Variants in PPP2R2B observed in about 807,000 individuals in gnomAD.
PPP2R2B encodes the protein protein phosphatase 2 regulatory subunit Bbeta, also known as serine/threonine-protein phosphatase 2A 55 kDa regulatory subunit B beta isoform.
A neutral mutation model predicts 46.0 loss-of-function variants in PPP2R2B; 5 were observed. The ratio of observed to expected loss-of-function variants is 0.11; its 90% confidence interval spans 0.06 to 0.23. The LOEUF is 0.23. PPP2R2B is among the 10% of genes least tolerant of loss of function. The pLI is 1.00. For synonymous variants in PPP2R2B, 215 were observed against 206.7 expected (o/e 1.04, Z -0.34); for missense variants, 367 against 575.0 (o/e 0.64, Z 3.70).
chr5:147,038,519 CT>C (rs1342834733), intron 1 of PPP2R2B, among the ~76,000 whole-genome samples: 2 of 152,062 alleles, frequency 1.3e-5, no homozygotes, highest in African/African-American at 4.8e-5. Context: ...AAACTATTTT[CT>C]ACTTTATGTT....
intron 2 of PPP2R2B, among the ~76,000 whole-genome samples, chr5:146,704,011 C>T (rs183976842): frequency 6.6e-5 from 10 of 152,274 alleles, no homozygotes; most frequent in African/African-American, 9.6e-5. Flanking sequence ...GTCTACTTCC[C>T]TTCAGAGAAT....
chr5:146,689,168 T>C (rs975999501), intron 5 of PPP2R2B, among the ~76,000 whole-genome samples: 1 of 152,116 alleles, frequency 6.6e-6, no homozygotes, highest in African/African-American at 2.4e-5. Context: ...CATCATTGAG[T>C]GCTTTTTGTG....
chr5:146,692,711 T>C (rs1273262258), intron 4 of PPP2R2B, among the ~76,000 whole-genome samples: 3 of 151,914 alleles, frequency 2.0e-5, no homozygotes, highest in Non-Finnish European at 4.4e-5. Context: ...TTTTTTTGTA[T>C]TTCTAGTAGA....
chr5:146,739,089 G>A lies in PPP2R2B; in HGVS notation c.71-37947C>T, dbSNP rs183176936. ...GGCTGGAGTGTAGTGGTGTGATCAC[G>A]GCTCACAGCAGCCTTGACCTCCTGA... On this transcript the variant is annotated intron_variant, in intron 2 of 9. Coordinates refer to ENST00000394411, the MANE Select transcript of PPP2R2B (RefSeq NM_181675.4). 6.2e-4 allele frequency among the ~76,000 whole-genome samples: 94 copies of A among 152,120 alleles called. 1 individual carries two copies. Among genetic ancestry groups the A allele is most frequent in the African/African-American group, 2.2e-3 (92 of 41,486 alleles).
intron 5 of PPP2R2B, among the ~76,000 whole-genome samples, chr5:146,672,341 C>T (rs879237544): frequency 2.0e-5 from 3 of 152,080 alleles, no homozygotes; most frequent in African/African-American, 7.2e-5. Flanking sequence ...GTTTGGGGTA[C>T]AGGAAACAGA....
At chr5:146,918,674 A>C (rs1763483037) in intron 1 of PPP2R2B, among the ~76,000 whole-genome samples, 1 of 152,134 alleles carries the variant, frequency 6.6e-6, no homozygotes, top group Non-Finnish European at 1.5e-5. Flanking sequence ...GGTCTCATCT[A>C]TACTTTTGGT....
At chr5:146,623,085 G>C (rs547820129) in intron 7 of PPP2R2B, among the ~76,000 whole-genome samples, 4 of 152,084 alleles carry the variant, frequency 2.6e-5, no homozygotes, top group African/African-American at 9.7e-5. Context: ...GGAATCTTCC[G>C]GTACTTAATA....
intron 2 of PPP2R2B, among the ~76,000 whole-genome samples, chr5:147,071,364 T>C (rs1474633816): frequency 6.6e-6 from 1 of 152,232 alleles, no homozygotes; most frequent in Non-Finnish European, 1.5e-5. Flanking sequence ...TTAATTGAGC[T>C]GCTGCTAGAA....
chr5:147,042,966 G>A (rs1001943829), intron 1 of PPP2R2B, among the ~76,000 whole-genome samples: 1 of 152,120 alleles, frequency 6.6e-6, no homozygotes, highest in Non-Finnish European at 1.5e-5. Flanking sequence ...TGTGGCTGGA[G>A]TGAGGTGAGT....
intron 1 of PPP2R2B, among the ~76,000 whole-genome samples, chr5:146,890,984 A>G (rs559049338): frequency 9.9e-4 from 151 of 152,318 alleles, no homozygotes; most frequent in Non-Finnish European, 1.3e-3. Flanking sequence ...AGAAAAAAAT[A>G]AGGCCTGGGT....
chr5:146,817,611 AG>A (rs2151328739), intron 2 of PPP2R2B, among the ~76,000 whole-genome samples: 1 of 152,322 alleles, frequency 6.6e-6, no homozygotes, highest in Non-Finnish European at 1.5e-5. Flanking sequence ...GTTGCATAAA[AG>A]TCTCTAACTA....
At chr5:146,864,807 C>T (rs993060028) in intron 2 of PPP2R2B, among the ~76,000 whole-genome samples, 3 of 152,082 alleles carry the variant, frequency 2.0e-5, no homozygotes, top group Non-Finnish European at 4.4e-5. Flanking sequence ...TTTCTCTGAT[C>T]TTCACCCCAC....
intron 2 of PPP2R2B, among the ~76,000 whole-genome samples, chr5:146,808,844 T>C (rs1484069879): frequency 1.3e-5 from 2 of 152,234 alleles, no homozygotes; most frequent in Admixed American, 6.5e-5. Flanking sequence ...ATGTTGGAGT[T>C]TGCAATCAAC....
At chr5:146,822,212 C>T (rs951792434) in intron 2 of PPP2R2B, among the ~76,000 whole-genome samples, 2 of 152,180 alleles carry the variant, frequency 1.3e-5, no homozygotes, top group East Asian at 3.9e-4. Flanking sequence ...TAGAGCAGAG[C>T]CTTGCAAATG....
intron 1 of PPP2R2B, among the ~76,000 whole-genome samples, chr5:146,933,655 G>A (rs971062452): frequency 4.0e-5 from 6 of 151,772 alleles, no homozygotes; most frequent in African/African-American, 1.4e-4. Flanking sequence ...GTGACAAACG[G>A]AAGTTCTTTT....
intron 1 of PPP2R2B, among the ~76,000 whole-genome samples, chr5:147,039,442 A>G (rs1756192825): frequency 6.6e-6 from 1 of 152,196 alleles, no homozygotes; most frequent in Non-Finnish European, 1.5e-5. Flanking sequence ...CTGAAGACCC[A>G]GATAGATCCC....
In PPP2R2B at chr5:146,599,729, A is replaced by T. The variant is rs540092966; in HGVS notation, c.960+562T>A. ...TTTGTTACATATGTATACATGTGCC[A>T]TGGTGGTTTGCTGCACCCATCAACC... On this transcript the variant is annotated intron_variant, in intron 8 of 9. Transcript: ENST00000394411. 3.3e-3 allele frequency among the ~76,000 whole-genome samples: 499 copies of T among 152,298 alleles called. 4 individuals carry two copies. Among genetic ancestry groups the T allele is most frequent in the African/African-American group, 0.012 (481 of 41,556 alleles).
chr5:146,856,497 AC>A lies in PPP2R2B; in HGVS notation c.70+21504del, dbSNP rs1313421667. The A allele has an allele frequency of 1.9e-6, 3 of 1,576,220 alleles. No homozygotes were observed. The East Asian group carries it at 6.7e-5, about 35-fold the overall frequency. On this transcript the variant is annotated intron_variant, in intron 2 of 9. Transcript: ENST00000394411. ...AGTAGGTATAAATAATAATACGAAT[AC>A]CTTTATTTCCATAGGTGTTTTCATC...
At chr5:146,944,441 G>A (rs986555387) in intron 1 of PPP2R2B, among the ~76,000 whole-genome samples, 16 of 152,108 alleles carry the variant, frequency 1.1e-4, no homozygotes, top group African/African-American at 3.6e-4. Flanking sequence ...CGATTTGAAA[G>A]GTTCAGAGAA....
Sources: allele counts gnomAD v4.1 joint callset (sites outside exome capture counted in the v4.1 genomes callset), GRCh38; gene constraint gnomAD v4.1.1; transcripts MANE v1.5; gene names NCBI Gene and HGNC (gene_info 2026-07-23, HGNC 2026-07-21).